Variants in UCK2 observed in about 807,000 individuals in gnomAD.
The protein encoded by UCK2 is cytidine monophosphokinase 2.
A neutral mutation model predicts 30.8 loss-of-function variants in UCK2; 6 were observed. The observed-to-expected ratio is 0.19, with a 90% confidence interval of 0.11 to 0.38. The LOEUF (loss-of-function observed/expected upper bound fraction) is 0.38, where lower values mean the gene tolerates loss of function less well. Among genes scored for constraint, UCK2 ranks in the 10% least tolerant of loss-of-function variants. UCK2 has a pLI of 1.00. For missense variants in UCK2, 210 were observed against 339.8 expected (o/e 0.62, Z 3.00); for synonymous variants, 125 against 133.6 (o/e 0.94, Z 0.45).
At chr1:165,888,244 T>A (rs1225774509) in intron 1 of UCK2, among the ~76,000 whole-genome samples, 1 of 152,190 alleles carries the variant, frequency 6.6e-6, no homozygotes, top group Admixed American at 6.5e-5. Flanking sequence ...ATTTGAGTCA[T>A]CAAACCTCTA....
At chr1:165,839,795 G>A (rs1228990353) in intron 1 of UCK2, among the ~76,000 whole-genome samples, 1 of 152,198 alleles carries the variant, frequency 6.6e-6, no homozygotes, top group East Asian at 1.9e-4. Flanking sequence ...AGGTGTTAGG[G>A]TTAAACGATA....
chr1:165,827,617 A>C lies in UCK2; in HGVS notation c.-217A>C, dbSNP rs1281438336. 1 of 375,090 alleles carries C rather than the reference A, an allele frequency of 2.7e-6. No individual in the cohort carries two copies. The highest frequency in any genetic ancestry group is 2.1e-5 in the African/African-American group (1 of 47,664). The allele number at this position is 375,090 out of a possible 1,614,324, so 23.2% of individuals were successfully genotyped here. A position where few individuals can be genotyped will look rare whatever the true frequency, so the allele number is the denominator to read the frequency against. ...CACGCTGACCTCTGCCTGGGATGTA[A>C]ACCGGACCAGCCGCTGCGGGCAAAG... is the stretch of plus-strand genomic sequence containing the variant. On this transcript the variant is annotated 5_prime_UTR_variant, in exon 1 of 7. Coordinates refer to ENST00000367879, the MANE Select transcript of UCK2 (RefSeq NM_012474.5).
intron 1 of UCK2, among the ~76,000 whole-genome samples, chr1:165,876,181 A>G (rs1263479917): frequency 1.3e-5 from 2 of 152,196 alleles, no homozygotes; most frequent in East Asian, 3.8e-4. Context: ...CTTGCCCAGA[A>G]GTTTATTGGG....
Position 165,827,765 on chromosome 1 carries a change from C to A in UCK2, c.-69C>A. 3.2e-6 allele frequency: 4 copies of A among 1,262,058 alleles called. No homozygotes were observed. Among genetic ancestry groups the A allele is most frequent in the Non-Finnish European group, 3.0e-6 (3 of 988,578 alleles). The allele number at this position is 1,262,058 out of a possible 1,614,324, so 78.2% of individuals were successfully genotyped here. ...GGCGGCTGCGGAAAGCGGAGGGAGT[C>A]CGACGCGGGCGCGGGCGGGGAGCGT... On this transcript the variant is annotated 5_prime_UTR_variant, in exon 1 of 7. Coordinates refer to ENST00000367879, the MANE Select transcript of UCK2 (RefSeq NM_012474.5).
intron 1 of UCK2, among the ~76,000 whole-genome samples, chr1:165,884,921 C>A (rs1655582622): frequency 6.6e-6 from 1 of 152,170 alleles, no homozygotes; most frequent in East Asian, 1.9e-4. Context: ...CTAGTGGACC[C>A]TGGCTCCTAA....
At chr1:165,856,577 T>C (rs1449293384) in intron 1 of UCK2, among the ~76,000 whole-genome samples, 6 of 152,256 alleles carry the variant, frequency 3.9e-5, no homozygotes, top group African/African-American at 1.2e-4. Flanking sequence ...TGTGTGTTTT[T>C]ATCTTGCAAT....
intron 1 of UCK2, among the ~76,000 whole-genome samples, chr1:165,874,404 A>G (rs1368280286): frequency 1.3e-5 from 2 of 152,250 alleles, no homozygotes; most frequent in African/African-American, 4.8e-5. Context: ...AGAGCCGTCC[A>G]GTGGCAGCGG....
At chr1:165,852,369 T>C (rs1654619426) in intron 1 of UCK2, among the ~76,000 whole-genome samples, 1 of 152,140 alleles carries the variant, frequency 6.6e-6, no homozygotes, top group Non-Finnish European at 1.5e-5. Flanking sequence ...TAAACAAATT[T>C]ACAAGAAGAA....
chr1:165,835,707 C>T (rs2101848889), intron 1 of UCK2, among the ~76,000 whole-genome samples: 1 of 152,256 alleles, frequency 6.6e-6, no homozygotes, highest in East Asian at 1.9e-4. Flanking sequence ...TTATTTGAGT[C>T]AGAAATGTTT....
Position 165,910,571 on chromosome 1 carries a change from C to T in UCK2, c.*2748C>T, listed in dbSNP as rs1247848807. 6.6e-6 allele frequency: 1 copy of T among 152,338 alleles called. No homozygotes were observed. Among genetic ancestry groups the T allele is most frequent in the Non-Finnish European group, 1.5e-5 (1 of 68,166 alleles). 9.4% of individuals were successfully genotyped at this position (152,338 alleles called of 1,614,324 possible). On this transcript the variant is annotated 3_prime_UTR_variant, in exon 7 of 7. Coordinates refer to ENST00000367879, the MANE Select transcript of UCK2 (RefSeq NM_012474.5). ...CTCTCACTCCTTCACACTAATGAGCCTTCTACTGACCCAAGTTTCTTTTTC... is the reference window on the plus strand; with the variant it reads ...CTCTCACTCCTTCACACTAATGAGCTTTCTACTGACCCAAGTTTCTTTTTC...
chr1:165,891,540 C>G, intron 3 of UCK2: 1 of 507,500 alleles, frequency 2.0e-6, no homozygotes, highest in Non-Finnish European at 3.6e-6. Context: ...TGGAACAGTC[C>G]TGTTGTCACG....
At chr1:165,882,100 C>T (rs1655514121) in intron 1 of UCK2, among the ~76,000 whole-genome samples, 1 of 152,166 alleles carries the variant, frequency 6.6e-6, no homozygotes, top group Admixed American at 6.5e-5. Flanking sequence ...AGAGCTTGGT[C>T]TGTGGCACAA....
intron 4 of UCK2, among the ~76,000 whole-genome samples, chr1:165,899,396 C>T (rs548199943): frequency 1.3e-5 from 2 of 152,322 alleles, no homozygotes; most frequent in African/African-American, 2.4e-5. Context: ...CTCTGGTTCT[C>T]ATAGAATTAG....
chr1:165,838,912 G>A (rs1020184702), intron 1 of UCK2, among the ~76,000 whole-genome samples: 1 of 152,100 alleles, frequency 6.6e-6, no homozygotes, highest in East Asian at 1.9e-4. Flanking sequence ...GCTGGGCATG[G>A]TGGCGGGTGC....
intron 1 of UCK2, among the ~76,000 whole-genome samples, chr1:165,828,619 T>C (rs74836144): frequency 0.025 from 3,776 of 152,316 alleles, 156 homozygotes; most frequent in African/African-American, 0.084. Flanking sequence ...GAGAAAGTTG[T>C]ACTGGCTCCA....
chr1:165,841,109 G>GTCTATATATA (rs1427958973), intron 1 of UCK2, among the ~76,000 whole-genome samples: 1 of 46,472 alleles, frequency 2.2e-5, no homozygotes, highest in Non-Finnish European at 6.4e-5. Flanking sequence ...GTGTGTGTGT[G>GTCTATATATA]TGTATATATA....
chr1:165,907,611 C>G (rs1214269567), intron 6 of UCK2, 73 bp from the exon 7 acceptor site: 1 of 1,547,588 alleles, frequency 6.5e-7, no homozygotes, highest in African/African-American at 1.4e-5. Context: ...TGCCCTTCCC[C>G]CAGACAGACT....
intron 4 of UCK2, among the ~76,000 whole-genome samples, chr1:165,897,451 G>A (rs892622074): frequency 1.3e-5 from 2 of 152,100 alleles, no homozygotes; most frequent in African/African-American, 4.8e-5. Context: ...AATCGACCAG[G>A]ACCCAGCAAG....
At chr1:165,903,125 CG>C (rs1169715415) in intron 4 of UCK2, 56 bp from the exon 5 acceptor site, 3 of 1,349,406 alleles carry the variant, frequency 2.2e-6, no homozygotes, top group East Asian at 4.7e-5. Context: ...CCATGAAGGG[CG>C]GGTGTGTGCT....
Sources: gnomAD v4.1 joint callset for allele counts (sites outside exome capture counted in the v4.1 genomes callset) on GRCh38, gnomAD v4.1.1 for gene constraint, MANE v1.5 for transcripts, NCBI Gene and HGNC (gene_info 2026-07-23, HGNC 2026-07-21) for gene names.